The following BRINP1 variants were observed in gnomAD, a reference collection of about 807,000 sequenced individuals.
BRINP1 encodes BMP/retinoic acid inducible neural specific 1, also known as BMP/retinoic acid-inducible neural-specific protein 1.
In BRINP1, 17 loss-of-function variants were observed where a neutral mutation model predicts 72.9. The observed-to-expected ratio is 0.23, with a 90% confidence interval of 0.16 to 0.35. The LOEUF is 0.35. BRINP1 is among the 10% of genes least tolerant of loss of function. The probability of loss-of-function intolerance (pLI) is 1.00; values close to 1 mark genes in which losing one functional copy is unlikely to be tolerated. For missense variants in BRINP1, 850 were observed against 1,001.6 expected (o/e 0.85, Z 2.04); for synonymous variants, 418 against 378.5 (o/e 1.10, Z -1.21).
chr9:119,263,367 C>A (rs1830515389), intron 2 of BRINP1, among the ~76,000 whole-genome samples: 1 of 152,100 alleles, frequency 6.6e-6, no homozygotes, highest in African/African-American at 2.4e-5. Flanking sequence ...CCCCCATTCT[C>A]CCCTGATAAA....
At chr9:119,288,803 T>G (rs656441) in intron 2 of BRINP1, among the ~76,000 whole-genome samples, 46,647 of 151,950 alleles carry the variant, frequency 0.31, 7,534 homozygotes, top group Non-Finnish European at 0.36. Flanking sequence ...GTTTTGTTTT[T>G]TTTTTTAGAT....
Position 119,208,769 on chromosome 9 carries a change from G to A in BRINP1, c.1095C>T (p.Gly365=), listed in dbSNP as rs748755551. ...GATTGTGGCGACAGCGTACACTGAG[G>A]CCGAAAAGCTTGCGGGCAGTGCGTT... ...KIQRTARKLF[G]LSVRCRHNPN... Residue 365 remains glycine (G), a synonymous_variant, in exon 7 of 8, where the codon GGC becomes GGT. Coordinates refer to ENST00000265922, the MANE Select transcript of BRINP1 (RefSeq NM_014618.3). 91 of 1,613,910 alleles carry A rather than the reference G, an allele frequency of 5.6e-5. 1 individual carries two copies. Among genetic ancestry groups the A allele is most frequent in the Non-Finnish European group, 7.6e-5 (90 of 1,180,022 alleles).
chr9:119,294,614 C>A (rs1035306875), intron 2 of BRINP1, among the ~76,000 whole-genome samples: 1 of 151,900 alleles, frequency 6.6e-6, no homozygotes, highest in Admixed American at 6.6e-5. Flanking sequence ...ACCTGTAATC[C>A]CAGCACTTTG....
intron 2 of BRINP1, among the ~76,000 whole-genome samples, chr9:119,291,211 C>T (rs1830818950): frequency 6.6e-6 from 1 of 152,062 alleles, no homozygotes; most frequent in East Asian, 1.9e-4. Flanking sequence ...AATTATGCAT[C>T]CCCATGCCAG....
chr9:119,312,599 G>C (rs1831079426), intron 2 of BRINP1, among the ~76,000 whole-genome samples: 1 of 152,162 alleles, frequency 6.6e-6, no homozygotes, highest in Non-Finnish European at 1.5e-5. Context: ...GTACAGACCT[G>C]CTTAACAAAA....
At chr9:119,218,746 ATTT>A (rs10685419) in intron 5 of BRINP1, among the ~76,000 whole-genome samples, 20 of 133,336 alleles carry the variant, frequency 1.5e-4, no homozygotes, top group Non-Finnish European at 1.7e-4. Flanking sequence ...AAACTCAGGG[ATTT>A]TTTTTTTTTT....
Position 119,242,232 on chromosome 9 carries a change from A to G in BRINP1, c.410-16T>C, listed in dbSNP as rs749505772. On this transcript the variant is annotated splice_polypyrimidine_tract_variant and intron_variant, in intron 3 of 7. Transcript: ENST00000265922. Reference sequence around the variant, plus strand: ...GCCTCCTCCCCTGGATGGGAAAGAAAAGTAGATAAGAAGGTTTGTGGAGCT... The same window carrying G: ...GCCTCCTCCCCTGGATGGGAAAGAAGAGTAGATAAGAAGGTTTGTGGAGCT... The G allele has an allele frequency of 5.0e-6, 8 of 1,612,006 alleles. No individual in the cohort carries two copies. The highest frequency in any genetic ancestry group is 4.0e-5 in the African/African-American group (3 of 74,842).
chr9:119,278,322 T>C (rs1036226622), intron 2 of BRINP1, among the ~76,000 whole-genome samples: 4 of 152,186 alleles, frequency 2.6e-5, no homozygotes, highest in Non-Finnish European at 4.4e-5. Context: ...TTTGGAGCCT[T>C]AATCTTTCTG....
At chr9:119,212,480 TGAGCACTA>T (rs891783542) in intron 6 of BRINP1, among the ~76,000 whole-genome samples, 23 of 152,346 alleles carry the variant, frequency 1.5e-4, no homozygotes, top group African/African-American at 5.5e-4. Flanking sequence ...AAATCTGCTG[TGAGCACTA>T]GATTTGGAAT....
At chr9:119,236,428 A>G (rs1321800612) in intron 5 of BRINP1, among the ~76,000 whole-genome samples, 1 of 152,238 alleles carries the variant, frequency 6.6e-6, no homozygotes, top group Admixed American at 6.5e-5. Flanking sequence ...ATTTAGAATG[A>G]GAAAAGGTGG....
At chr9:119,309,085 C>T (rs1450175667) in intron 2 of BRINP1, among the ~76,000 whole-genome samples, 1 of 152,090 alleles carries the variant, frequency 6.6e-6, no homozygotes, top group East Asian at 1.9e-4. Flanking sequence ...TCCTAGTAAA[C>T]AACCAACATC....
intron 5 of BRINP1, among the ~76,000 whole-genome samples, chr9:119,224,618 C>T (rs897931624): frequency 3.3e-5 from 5 of 152,066 alleles, no homozygotes; most frequent in Admixed American, 6.6e-5. Context: ...GCTCATATTT[C>T]GTGTCAGCTG....
chr9:119,250,782 C>T (rs1395052952), intron 2 of BRINP1, among the ~76,000 whole-genome samples: 1 of 152,152 alleles, frequency 6.6e-6, no homozygotes, highest in Non-Finnish European at 1.5e-5. Context: ...GACCAGCTCT[C>T]CGACCTGCCT....
chr9:119,247,603 C>T (rs1588176611), intron 3 of BRINP1, among the ~76,000 whole-genome samples: 1 of 137,612 alleles, frequency 7.3e-6, no homozygotes, highest in East Asian at 2.2e-4. Context: ...TGCAGTGAGC[C>T]GAGATCGCGC....
rs886353858 is a variant in BRINP1 at position 119,369,360 on chromosome 9, C to T, written c.-355G>A. ...TCTCTCCCTCTCTCGCGGGTTCGCTCGCCTGCGCTCTCCTCCTCCCCGCGC... is the reference window on the plus strand; with the variant it reads ...TCTCTCCCTCTCTCGCGGGTTCGCTTGCCTGCGCTCTCCTCCTCCCCGCGC... On this transcript the variant is annotated 5_prime_UTR_variant, in exon 1 of 8. Transcript: ENST00000265922. The T allele has an allele frequency of 1.3e-5, 5 of 397,978 alleles. No individual in the cohort carries two copies. The highest frequency in any genetic ancestry group is 8.2e-5 in the African/African-American group (4 of 48,630). The allele number at this position is 397,978 out of a possible 1,614,324, so 24.7% of individuals were successfully genotyped here.
intron 7 of BRINP1, among the ~76,000 whole-genome samples, chr9:119,187,542 T>C (rs565029340): frequency 6.7e-6 from 1 of 149,468 alleles, no homozygotes; most frequent in Non-Finnish European, 1.5e-5. Flanking sequence ...ACTGACACCA[T>C]AGGACACATC....
intron 1 of BRINP1, among the ~76,000 whole-genome samples, chr9:119,341,352 T>C (rs1490894321): frequency 6.6e-6 from 1 of 152,172 alleles, no homozygotes; most frequent in Non-Finnish European, 1.5e-5. Context: ...CCTGATTATA[T>C]CAAGGAAAAA....
intron 2 of BRINP1, among the ~76,000 whole-genome samples, chr9:119,255,373 G>A (rs1372784705): frequency 3.9e-5 from 6 of 152,204 alleles, no homozygotes; most frequent in African/African-American, 4.8e-5. Flanking sequence ...GATGGAAGTC[G>A]TGGGGTGTCT....
chr9:119,332,290 C>CA (rs577328896), intron 1 of BRINP1, among the ~76,000 whole-genome samples: 9 of 150,900 alleles, frequency 6.0e-5, no homozygotes, highest in African/African-American at 9.7e-5. Flanking sequence ...TTACTAATGA[C>CA]AAAAAAAAAT....
Sources: allele counts gnomAD v4.1 joint callset (sites outside exome capture counted in the v4.1 genomes callset), GRCh38; gene constraint gnomAD v4.1.1; transcripts MANE v1.5; gene names NCBI Gene and HGNC (gene_info 2026-07-23, HGNC 2026-07-21).